Variants in GARIN1A observed in about 807,000 individuals in gnomAD.
GARIN1A encodes Golgi-associated RAB2 interactor protein 1A.
chr7:128,675,721 C>T, the GARIN1A span: 1 of 1,613,920 alleles, frequency 6.2e-7, no homozygotes, highest in Non-Finnish European at 8.5e-7. Flanking sequence ...GGGTCTGCCA[C>T]CGTGATCCTC....
chr7:128,689,316 G>A, the GARIN1A span, among the ~76,000 whole-genome samples: 1 of 151,726 alleles, frequency 6.6e-6, no homozygotes, highest in Non-Finnish European at 1.5e-5. Flanking sequence ...GGGAAGTGAG[G>A]AGCACCTCTT....
At chr7:128,680,043 C>T in the GARIN1A span, 1 of 1,566,072 alleles carries the variant, frequency 6.4e-7, no homozygotes, top group Non-Finnish European at 8.6e-7. Context: ...TGAAAACAGC[C>T]TCCTGTCATC....
At chr7:128,672,437 C>G in the GARIN1A span, 1 of 1,609,102 alleles carries the variant, frequency 6.2e-7, no homozygotes, top group South Asian at 1.1e-5. Context: ...GGTCAGGGAA[C>G]CAGGCCCTGG....
chr7:128,699,162 A>G, the GARIN1A span, among the ~76,000 whole-genome samples: 19 of 152,136 alleles, frequency 1.2e-4, no homozygotes, highest in Non-Finnish European at 2.5e-4. Context: ...TGAATTTTTA[A>G]TAAAAAATTT....
chr7:128,692,233 A>G, the GARIN1A span, among the ~76,000 whole-genome samples: 1 of 152,216 alleles, frequency 6.6e-6, no homozygotes, highest in African/African-American at 2.4e-5. Context: ...CGTGCCAGCC[A>G]TATGTGTGTA....
chr7:128,675,897 TTGAC>T, the GARIN1A span: 52 of 1,421,852 alleles, frequency 3.7e-5, no homozygotes, highest in Admixed American at 1.7e-4. Flanking sequence ...GATGGAATGA[TTGAC>T]TGGGATATGC....
At chr7:128,696,044 A>C in the GARIN1A span, among the ~76,000 whole-genome samples, 3 of 94,842 alleles carry the variant, frequency 3.2e-5, no homozygotes, top group Admixed American at 1.6e-4. Context: ...ACAAGGTCTC[A>C]CTCTATCACC....
the GARIN1A span, among the ~76,000 whole-genome samples, chr7:128,702,597 A>G: frequency 1.3e-5 from 2 of 152,228 alleles, no homozygotes; most frequent in Non-Finnish European, 1.5e-5. Flanking sequence ...AAAATGATCA[A>G]TAACCCCCCC....
the GARIN1A span, chr7:128,690,880 G>A: frequency 6.6e-6 from 1 of 152,148 alleles, no homozygotes; most frequent in African/African-American, 2.4e-5. Context: ...GAGCAGGAGA[G>A]AGGACTCTGC....
the GARIN1A span, chr7:128,672,376 A>G: frequency 3.1e-6 from 5 of 1,597,130 alleles, no homozygotes; most frequent in Non-Finnish European, 4.3e-6. Flanking sequence ...AATGTTCCCA[A>G]GCCCATTCTT....
the GARIN1A span, among the ~76,000 whole-genome samples, chr7:128,705,663 T>G: frequency 5.9e-5 from 8 of 134,878 alleles, no homozygotes; most frequent in Non-Finnish European, 9.5e-5. Context: ...GTGTTTTTTT[T>G]TTTTTTTTTT....
the GARIN1A span, chr7:128,675,588 C>T: frequency 7.0e-7 from 1 of 1,420,478 alleles, no homozygotes; most frequent in Non-Finnish European, 9.8e-7. Flanking sequence ...CACCTGCCCC[C>T]AAGATGATGT....
chr7:128,675,870 G>A, the GARIN1A span: 1 of 1,575,474 alleles, frequency 6.3e-7, no homozygotes. Context: ...GTAAAGGCTT[G>A]AGGGAGGGCG....
chr7:128,689,590 C>G, the GARIN1A span, among the ~76,000 whole-genome samples: 1 of 147,392 alleles, frequency 6.8e-6, no homozygotes, highest in Non-Finnish European at 1.5e-5. Flanking sequence ...GGAGCCCCTC[C>G]GCCCGGCAGC....
At chr7:128,672,348 T>G in the GARIN1A span, 1 of 1,510,194 alleles carries the variant, frequency 6.6e-7, no homozygotes, top group Non-Finnish European at 9.0e-7. Context: ...TTGGGCTGGG[T>G]CGGCGTGGAG....
chr7:128,672,523 G>A, the GARIN1A span: 43 of 1,610,132 alleles, frequency 2.7e-5, no homozygotes, highest in Non-Finnish European at 1.9e-5. Flanking sequence ...TCTCCAACTC[G>A]GTGGTGTTTG....
At chr7:128,674,344 T>A in the GARIN1A span, among the ~76,000 whole-genome samples, 1 of 152,182 alleles carries the variant, frequency 6.6e-6, no homozygotes, top group Non-Finnish European at 1.5e-5. Context: ...AGGCTGGTCT[T>A]GAACTCCTGG....
the GARIN1A span, among the ~76,000 whole-genome samples, chr7:128,705,319 C>T: frequency 2.6e-5 from 4 of 152,116 alleles, no homozygotes; most frequent in African/African-American, 7.2e-5. Context: ...CTGTCTTAGA[C>T]GGCACAGGCT....
At chr7:128,695,757 T>C in the GARIN1A span, among the ~76,000 whole-genome samples, 1 of 152,072 alleles carries the variant, frequency 6.6e-6, no homozygotes, top group African/African-American at 2.4e-5. The surrounding 1 kb of genome is among the most constrained non-coding windows in gnomAD (Gnocchi z 4.5). Context: ...TTGGCCAAGC[T>C]GGTCTTGAAC....
Sources: allele counts gnomAD v4.1 joint callset (sites outside exome capture counted in the v4.1 genomes callset), GRCh38; gene constraint gnomAD v4.1.1; non-coding constraint Gnocchi (gnomAD v3.1); transcripts MANE v1.5; gene names NCBI Gene and HGNC (gene_info 2026-07-23, HGNC 2026-07-21).